Variants in ARID2 observed in about 807,000 individuals in gnomAD.
ARID2 encodes AT-rich interactive domain-containing protein 2.
A neutral mutation model predicts 184.6 loss-of-function variants in ARID2; 32 were observed. The observed-to-expected ratio is 0.17, with a 90% CI of 0.13 to 0.23. ARID2 has a LOEUF of 0.23. Ranked by LOEUF, ARID2 falls within the 10% of genes least tolerant of loss-of-function variation. The pLI, the probability that ARID2 is intolerant of heterozygous loss-of-function variation, is 1.00. For missense variants in ARID2, 1,696 were observed against 2,197.6 expected, an observed-to-expected ratio of 0.77 and a Z score of 4.56; for synonymous variants, 836 against 772.6, an observed-to-expected ratio of 1.08 and a Z score of -1.36.
intron 12 of ARID2, 132 bp downstream of exon 12, chr12:45,847,069 C>T: frequency 1.5e-6 from 1 of 661,058 alleles, no homozygotes; most frequent in South Asian, 2.7e-5. Flanking sequence ...ATATCATTTA[C>T]ACAAAGAAAG....
chr12:45,812,630 C>T lies in ARID2; in HGVS notation c.418+1079C>T, dbSNP rs916291462. 2.6e-5 allele frequency among the ~76,000 whole-genome samples: 4 copies of T among 152,234 alleles called. No homozygotes were observed. In the South Asian group the frequency reaches 6.2e-4, roughly 24 times the overall value. On this transcript the variant is annotated intron_variant, in intron 4 of 20. Transcript: ENST00000334344. ...GAGTAAAGGAGAATATTTTAAGTCA[C>T]CTTTAGAAATGCTTGCTAATAGTTT...
At chr12:45,900,895 T>A (rs1180214129) in intron 20 of ARID2, among the ~76,000 whole-genome samples, 1 of 152,120 alleles carries the variant, frequency 6.6e-6, no homozygotes, top group Non-Finnish European at 1.5e-5. Flanking sequence ...TTTCTTTGTA[T>A]GTGATCTGTT....
At chr12:45,875,055 G>C (rs1356538154) in intron 16 of ARID2, among the ~76,000 whole-genome samples, 1 of 152,158 alleles carries the variant, frequency 6.6e-6, no homozygotes, top group Non-Finnish European at 1.5e-5. Context: ...CCCAGGAGGC[G>C]GAGTTTGCAG....
At chr12:45,904,904 A>G in intron 20 of ARID2, 30 bp from the exon 21 acceptor site, 14 of 1,608,494 alleles carry the variant, frequency 8.7e-6, no homozygotes, top group Non-Finnish European at 1.2e-5. Context: ...GACCTTGGAG[A>G]CTGACAATCT....
chr12:45,764,380 T>C (rs1941733585), intron 3 of ARID2, among the ~76,000 whole-genome samples: 6 of 151,860 alleles, frequency 4.0e-5, no homozygotes, highest in Admixed American at 2.6e-4. Flanking sequence ...TTAAATATAA[T>C]TTACACACAG....
chr12:45,837,463 C>A (rs2138131138), intron 9 of ARID2, 35 bp from the exon 10 acceptor site: 1 of 1,610,314 alleles, frequency 6.2e-7, no homozygotes, highest in Non-Finnish European at 8.5e-7. Context: ...AACAAACTAT[C>A]ATTTCTTAGT....
intron 6 of ARID2, among the ~76,000 whole-genome samples, chr12:45,832,124 T>A (rs2138117028): frequency 6.6e-6 from 1 of 152,294 alleles, no homozygotes; most frequent in East Asian, 1.9e-4. Flanking sequence ...GGCTCTCAAC[T>A]TTTATTTATC....
chr12:45,891,386 A>C (rs1009289423), intron 16 of ARID2, among the ~76,000 whole-genome samples: 11 of 152,200 alleles, frequency 7.2e-5, no homozygotes, highest in Admixed American at 2.6e-4. Flanking sequence ...ATGGGACTTA[A>C]AAACATGGAC....
Position 45,904,689 on chromosome 12 carries a change from CAAAAAAAA to C in ARID2, c.5364-227_5364-220del, listed in dbSNP as rs755707280. Among the ~76,000 whole-genome samples the C allele has an allele frequency of 8.7e-4, 31 of 35,676 alleles. 1 individual carries two copies. The highest frequency in any genetic ancestry group is 0.028 in the Middle Eastern group (2 of 72). The allele number at this position is 35,676 out of a possible 152,430, so 23.4% of individuals were successfully genotyped here. ...CTGGCAATAGAGTGAGACTCCTTCTCAAAAAAAAAAAAAAAAAAAAAAAAAGGTACTAT... is the reference window on the plus strand; with the variant it reads ...CTGGCAATAGAGTGAGACTCCTTCTCAAAAAAAAAAAAAAAAAGGTACTAT... On this transcript the variant is annotated intron_variant, in intron 20 of 20. Transcript: ENST00000334344.
chr12:45,903,537 T>A (rs542076371), intron 20 of ARID2, among the ~76,000 whole-genome samples: 2 of 152,316 alleles, frequency 1.3e-5, no homozygotes, highest in African/African-American at 4.8e-5. Context: ...GAGTGTGTGA[T>A]GGTATGTATA....
intron 4 of ARID2, among the ~76,000 whole-genome samples, chr12:45,817,324 A>T (rs1032867588): frequency 1.3e-5 from 2 of 152,152 alleles, no homozygotes; most frequent in Non-Finnish European, 2.9e-5. Context: ...ATTGCACTCC[A>T]TCCTGGGCAA....
chr12:45,794,069 G>A (rs956265214), intron 3 of ARID2, among the ~76,000 whole-genome samples: 5 of 152,064 alleles, frequency 3.3e-5, no homozygotes, highest in African/African-American at 1.2e-4. Context: ...CCCCTTCGAG[G>A]GTATGTTCCA....
At position 45,837,611 on chromosome 12, in the gene ARID2, G is replaced by A. The variant is rs777184361; in HGVS notation, c.1234G>A (p.Val412Met). 2.5e-6 allele frequency: 4 copies of A among 1,614,076 alleles called. No individual in the cohort carries two copies. The highest frequency in any genetic ancestry group is 1.1e-5 in the South Asian group (1 of 91,082). Residue 412 changes from valine (V) to methionine (M), a missense_variant, in exon 10 of 21, where the codon GTG (valine) becomes ATG (methionine). Coordinates refer to ENST00000334344, the MANE Select transcript of ARID2 (RefSeq NM_152641.4). ...CATTTGTCATCTCACTTTACCTGATGTGCTGCTTGTAATCTCAACACTCGA... is the reference window on the plus strand; with the variant it reads ...CATTTGTCATCTCACTTTACCTGATATGCTGCTTGTAATCTCAACACTCGA... ...EIICHLTLPD[V>M]LLVISTLEVL... is the part of the protein sequence containing the mutation.
rs759194586 is a variant in ARID2 at position 45,852,597 on chromosome 12, A to G, written c.4474A>G (p.Lys1492Glu). The G allele has an allele frequency of 3.1e-6, 5 of 1,614,072 alleles. No individual in the cohort carries two copies. Among genetic ancestry groups the G allele is most frequent in the Admixed American group, 3.3e-5 (2 of 59,992 alleles). ...CATAGCAGTTCCCGACTCAGGATCA[A>G]AAGTATCCCATTCTCCTGCCCTATC... ...QIIAVPDSGSKVSHSPALSSD... is the reference protein window; with the variant it reads ...QIIAVPDSGSEVSHSPALSSD... Residue 1492 changes from lysine to glutamate, a missense_variant, in exon 15 of 21, where the codon AAA becomes GAA. Lys to Glu is a moderately conservative substitution (Grantham distance 56). Around this residue, in one of 11 missense-constraint regions of ARID2, gnomAD observed 428 missense variants for 409.1 expected, o/e 1.05. Transcript: ENST00000334344.
chr12:45,903,630 C>T (rs1195483344), intron 20 of ARID2, among the ~76,000 whole-genome samples: 1 of 152,110 alleles, frequency 6.6e-6, no homozygotes, highest in Non-Finnish European at 1.5e-5. Flanking sequence ...ATTTTTTGCT[C>T]ATTTCTTTTC....
chr12:45,798,208 G>GT (rs148631760), intron 3 of ARID2, among the ~76,000 whole-genome samples: 66 of 149,142 alleles, frequency 4.4e-4, no homozygotes, highest in Middle Eastern at 3.5e-3. Context: ...GTTTGAACGT[G>GT]TTTTTTTTTT....
At chr12:45,801,260 C>G (rs1001574616) in intron 3 of ARID2, among the ~76,000 whole-genome samples, 2 of 150,402 alleles carry the variant, frequency 1.3e-5, no homozygotes, top group African/African-American at 4.9e-5. Flanking sequence ...TGCAGTGAGC[C>G]GAGATAGCGC....
At chr12:45,821,639 ATTGAG>A in intron 6 of ARID2, 152 bp downstream of exon 6, 1 of 416,982 alleles carries the variant, frequency 2.4e-6, no homozygotes, top group Non-Finnish European at 4.2e-6. Flanking sequence ...TAAAGTTGTG[ATTGAG>A]TTGAGTGAAA....
At chr12:45,869,612 G>A (rs149281244) in intron 16 of ARID2, among the ~76,000 whole-genome samples, 287 of 152,100 alleles carry the variant, frequency 1.9e-3, no homozygotes, top group Admixed American at 8.9e-3. Flanking sequence ...GCCAGGTGTC[G>A]TGGCTCATGC....
Sources: allele counts gnomAD v4.1 joint callset (sites outside exome capture counted in the v4.1 genomes callset), GRCh38; gene constraint gnomAD v4.1.1; regional missense constraint gnomAD v4.1.1; transcripts MANE v1.5; gene names NCBI Gene and HGNC (gene_info 2026-07-23, HGNC 2026-07-21).